The following FERRY3 variants were observed in gnomAD, a reference collection of about 807,000 sequenced individuals.
FERRY3 encodes the protein FERRY endosomal RAB5 effector complex subunit 3.
the FERRY3 span, among the ~76,000 whole-genome samples, chr12:4,524,378 T>G: frequency 6.6e-5 from 10 of 152,126 alleles, no homozygotes; most frequent in African/African-American, 2.2e-4. Context: ...AGATAAGAGA[T>G]GATAGAGATG....
At chr12:4,494,411 CTGA>C in the FERRY3 span, among the ~76,000 whole-genome samples, 1 of 152,176 alleles carries the variant, frequency 6.6e-6, no homozygotes, top group African/African-American at 2.4e-5. Context: ...CCTGCTTAAC[CTGA>C]TGTCATCAGG....
At chr12:4,509,631 G>A in the FERRY3 span, among the ~76,000 whole-genome samples, 1 of 142,784 alleles carries the variant, frequency 7.0e-6, no homozygotes, top group Non-Finnish European at 1.5e-5. Flanking sequence ...CCCCCCGGCA[G>A]GGGTACACTG....
chr12:4,514,152 C>T, the FERRY3 span, among the ~76,000 whole-genome samples: 1 of 151,758 alleles, frequency 6.6e-6, no homozygotes, highest in Non-Finnish European at 1.5e-5. Flanking sequence ...AAATGCTCAT[C>T]ATTACTGGCC....
At chr12:4,497,146 AAT>A in the FERRY3 span, among the ~76,000 whole-genome samples, 2 of 152,224 alleles carry the variant, frequency 1.3e-5, no homozygotes, top group Non-Finnish European at 2.9e-5. Context: ...AATGTCCACA[AAT>A]AGTAGAATGT....
chr12:4,534,283 A>G, the FERRY3 span: 1 of 1,609,560 alleles, frequency 6.2e-7, no homozygotes. Context: ...CTATAAACTG[A>G]GTCAGAGCTT....
the FERRY3 span, chr12:4,502,341 T>C: frequency 2.3e-6 from 1 of 433,804 alleles, no homozygotes; most frequent in Admixed American, 2.7e-5. This position sits in a 1 kb window ranked among gnomAD's most constrained non-coding sequence, Gnocchi z 4.2. Flanking sequence ...GATAAGTATT[T>C]GTTGAATGAA....
chr12:4,507,537 A>G, the FERRY3 span, among the ~76,000 whole-genome samples: 12 of 152,292 alleles, frequency 7.9e-5, 2 homozygotes, highest in African/African-American at 1.2e-4. Flanking sequence ...ATCTTTAGGA[A>G]TCTCTTCTGT....
chr12:4,535,714 G>A, the FERRY3 span, among the ~76,000 whole-genome samples: 1 of 152,182 alleles, frequency 6.6e-6, no homozygotes, highest in South Asian at 2.1e-4. This position sits in a 1 kb window ranked among gnomAD's most constrained non-coding sequence, Gnocchi z 4.0. Flanking sequence ...CACAATTAGC[G>A]ATAGCTAAAC....
At chr12:4,515,266 G>A in the FERRY3 span, among the ~76,000 whole-genome samples, 1 of 152,168 alleles carries the variant, frequency 6.6e-6, no homozygotes, top group South Asian at 2.1e-4. Context: ...ACCATTTCCA[G>A]GATGGAGGTT....
the FERRY3 span, chr12:4,525,282 G>A: frequency 6.2e-7 from 1 of 1,613,480 alleles, no homozygotes; most frequent in South Asian, 1.1e-5. Context: ...GGGTTTTTTA[G>A]GTCTTGGTGA....
chr12:4,497,826 C>G, the FERRY3 span, among the ~76,000 whole-genome samples: 2 of 152,172 alleles, frequency 1.3e-5, no homozygotes, highest in African/African-American at 4.8e-5. Context: ...CTGTTTCAGT[C>G]ATCTTCATTT....
chr12:4,524,360 T>C, the FERRY3 span, among the ~76,000 whole-genome samples: 2 of 152,174 alleles, frequency 1.3e-5, no homozygotes, highest in Admixed American at 6.5e-5. Context: ...TGAAAAACTG[T>C]AATATTTAGA....
chr12:4,533,430 T>A, the FERRY3 span, among the ~76,000 whole-genome samples: 5 of 152,300 alleles, frequency 3.3e-5, no homozygotes, highest in South Asian at 4.1e-4. Flanking sequence ...AAATCTCATT[T>A]CCACCACCAC....
the FERRY3 span, chr12:4,525,221 A>C: frequency 3.1e-6 from 5 of 1,600,758 alleles, no homozygotes; most frequent in Non-Finnish European, 4.3e-6. Context: ...ACAATGGACT[A>C]CTATATGAAT....
the FERRY3 span, among the ~76,000 whole-genome samples, chr12:4,494,620 G>C: frequency 6.6e-6 from 1 of 152,192 alleles, no homozygotes; most frequent in African/African-American, 2.4e-5. Flanking sequence ...ATCTTTGCTG[G>C]AGATCAAATG....
At chr12:4,507,810 T>A in the FERRY3 span, among the ~76,000 whole-genome samples, 1 of 152,150 alleles carries the variant, frequency 6.6e-6, no homozygotes, top group Non-Finnish European at 1.5e-5. Flanking sequence ...TAGTGTTATG[T>A]AGAAAGCTGC....
chr12:4,505,412 A>G, the FERRY3 span: 28 of 1,415,926 alleles, frequency 2.0e-5, no homozygotes, highest in East Asian at 4.6e-5. Flanking sequence ...ATGAAAGAAC[A>G]TAACAACATA....
At chr12:4,489,570 C>A in the FERRY3 span, 3 of 305,248 alleles carry the variant, frequency 9.8e-6, no homozygotes, top group Non-Finnish European at 1.8e-5. Context: ...ACAGGTAACA[C>A]AGAGAAGAAA....
chr12:4,496,207 C>T, the FERRY3 span, among the ~76,000 whole-genome samples: 20 of 152,156 alleles, frequency 1.3e-4, no homozygotes, highest in African/African-American at 4.6e-4. Context: ...AAAACCAGCA[C>T]CTAAAAAGAA....
Sources: gnomAD v4.1 joint callset for allele counts (sites outside exome capture counted in the v4.1 genomes callset) on GRCh38, gnomAD v4.1.1 for gene constraint, Gnocchi (gnomAD v3.1) non-coding constraint, MANE v1.5 for transcripts, NCBI Gene and HGNC (gene_info 2026-07-23, HGNC 2026-07-21) for gene names.